The following TMEM117 variants were observed in gnomAD, a reference collection of about 807,000 sequenced individuals.
The protein encoded by TMEM117 is transmembrane protein 117.
TMEM117 carries 27 observed loss-of-function variants against 52.4 expected under a neutral mutation model. The ratio of observed to expected loss-of-function variants is 0.51; its 90% CI spans 0.38 to 0.71. The LOEUF (loss-of-function observed/expected upper bound fraction) is 0.71, where lower values mean the gene tolerates loss of function less well. Among genes scored for constraint, TMEM117 ranks in the 30% least tolerant of loss-of-function variants. The probability of loss-of-function intolerance (pLI) is 0.00; values close to 1 mark genes in which losing one functional copy is unlikely to be tolerated. For synonymous variants in TMEM117, 215 were observed against 206.3 expected (o/e 1.04, Z -0.36); for missense variants, 556 against 630.5 (o/e 0.88, Z 1.26).
intron 3 of TMEM117, among the ~76,000 whole-genome samples, chr12:43,970,079 G>A (rs1945556027): frequency 6.6e-6 from 1 of 151,970 alleles, no homozygotes; most frequent in African/African-American, 2.4e-5. Context: ...ATCCTGCCTG[G>A]GATGTGAATC....
rs200743759 is a variant in TMEM117 at position 43,911,615 on chromosome 12, T to C, written c.278-32595T>C. Among the ~76,000 whole-genome samples the C allele has an allele frequency of 1.3e-4, 20 of 149,872 alleles. No homozygotes were observed. The East Asian group carries it at 3.9e-3, about 29-fold the overall frequency. ...CTACTCATCTGACAAAGGGCTAATA[T>C]CCAGAATCTACAATGAACTCAAACA... On this transcript the variant is annotated intron_variant, in intron 2 of 7. Coordinates refer to ENST00000266534, the MANE Select transcript of TMEM117 (RefSeq NM_032256.3).
chr12:44,323,243 T>A (rs779185741), intron 6 of TMEM117, among the ~76,000 whole-genome samples: 2 of 152,204 alleles, frequency 1.3e-5, no homozygotes, highest in Non-Finnish European at 2.9e-5. Flanking sequence ...GTCCTCTAGA[T>A]CTTTAAAATA....
intron 6 of TMEM117, 120 bp downstream of exon 6, chr12:44,299,859 A>G (rs893067933): frequency 8.0e-7 from 1 of 1,251,960 alleles, no homozygotes. Flanking sequence ...GTTACTTTTG[A>G]TGGGGCCTTC....
At chr12:44,089,404 TG>T (rs1166023827) in intron 3 of TMEM117, among the ~76,000 whole-genome samples, 1 of 152,224 alleles carries the variant, frequency 6.6e-6, no homozygotes, top group Non-Finnish European at 1.5e-5. Context: ...AGCTCCCCTC[TG>T]TTGACTAGGA....
intron 6 of TMEM117, among the ~76,000 whole-genome samples, chr12:44,351,837 T>C (rs912758679): frequency 7.2e-5 from 11 of 152,026 alleles, no homozygotes; most frequent in African/African-American, 2.7e-4. Flanking sequence ...CAGAATATTT[T>C]TGACAACTCT....
chr12:44,194,938 A>T (rs573227544), intron 4 of TMEM117, among the ~76,000 whole-genome samples: 1 of 152,300 alleles, frequency 6.6e-6, no homozygotes, highest in South Asian at 2.1e-4. Context: ...AATTAATGTA[A>T]TTTTTCTGTT....
chr12:44,174,550 A>C (rs1430801339), intron 4 of TMEM117, among the ~76,000 whole-genome samples: 2 of 152,128 alleles, frequency 1.3e-5, no homozygotes, highest in African/African-American at 4.8e-5. Context: ...ACTTATCTTG[A>C]GTTTTCTTAG....
intron 3 of TMEM117, among the ~76,000 whole-genome samples, chr12:44,136,271 G>A (rs897688797): frequency 2.0e-5 from 3 of 152,110 alleles, no homozygotes; most frequent in African/African-American, 7.2e-5. Flanking sequence ...CTTTAGTGAA[G>A]ATAAATGAAG....
intron 2 of TMEM117, among the ~76,000 whole-genome samples, chr12:43,920,770 A>G (rs762839927): frequency 5.3e-5 from 8 of 152,046 alleles, no homozygotes; most frequent in Non-Finnish European, 1.0e-4. Context: ...TCCATCCTTT[A>G]AAATGTGGAT....
chr12:44,053,819 T>A (rs1592477021), intron 3 of TMEM117, among the ~76,000 whole-genome samples: 1 of 152,060 alleles, frequency 6.6e-6, no homozygotes, highest in South Asian at 2.1e-4. Flanking sequence ...AATTTGGGAG[T>A]GGTTGGTACC....
At chr12:43,796,418 C>G in the TMEM117 span, among the ~76,000 whole-genome samples, 5 of 152,008 alleles carry the variant, frequency 3.3e-5, no homozygotes, top group Non-Finnish European at 7.4e-5. Context: ...ATATCTTTCC[C>G]CATGCCTTAT....
intron 2 of TMEM117, among the ~76,000 whole-genome samples, chr12:43,906,482 G>A (rs1483043830): frequency 5.9e-5 from 9 of 151,468 alleles, no homozygotes; most frequent in African/African-American, 1.7e-4. Context: ...AAAAGAAAGC[G>A]GGGGAGGAGC....
At chr12:44,155,673 GA>G (rs1948816150) in intron 4 of TMEM117, among the ~76,000 whole-genome samples, 2 of 152,088 alleles carry the variant, frequency 1.3e-5, no homozygotes, top group African/African-American at 4.8e-5. Context: ...GGTCTGTGAG[GA>G]GTTGAGGGCA....
At chr12:44,241,748 G>C (rs1056325504) in intron 5 of TMEM117, among the ~76,000 whole-genome samples, 1 of 151,864 alleles carries the variant, frequency 6.6e-6, no homozygotes, top group African/African-American at 2.4e-5. Context: ...ACAACAATTT[G>C]TTGAATGATT....
intron 5 of TMEM117, among the ~76,000 whole-genome samples, chr12:44,246,028 A>T (rs1427235863): frequency 2.6e-5 from 4 of 152,146 alleles, no homozygotes; most frequent in Non-Finnish European, 1.5e-5. Context: ...AAGAATTTTA[A>T]TTTGATCAGC....
chr12:44,001,583 A>G (rs1249533031), intron 3 of TMEM117, among the ~76,000 whole-genome samples: 2 of 152,108 alleles, frequency 1.3e-5, no homozygotes, highest in African/African-American at 4.8e-5. Context: ...TGTGATGCCA[A>G]AGAAAGGATT....
intron 7 of TMEM117, among the ~76,000 whole-genome samples, chr12:44,381,062 G>T: frequency 6.6e-6 from 1 of 152,132 alleles, no homozygotes; most frequent in East Asian, 1.9e-4. Context: ...TTGAATTGTT[G>T]CATCTGTTTA....
chr12:44,044,645 T>A (rs1183952183), intron 3 of TMEM117, among the ~76,000 whole-genome samples: 1 of 152,150 alleles, frequency 6.6e-6, no homozygotes, highest in African/African-American at 2.4e-5. Flanking sequence ...GAGTTCTCTA[T>A]GATCAGTTGA....
At chr12:44,092,692 G>T (rs1947694815) in intron 3 of TMEM117, among the ~76,000 whole-genome samples, 1 of 152,094 alleles carries the variant, frequency 6.6e-6, no homozygotes, top group Admixed American at 6.6e-5. Context: ...TCTACCCAGA[G>T]AACTCAAGTG....
Sources: gnomAD v4.1 joint callset for allele counts (sites outside exome capture counted in the v4.1 genomes callset) on GRCh38, gnomAD v4.1.1 for gene constraint, MANE v1.5 for transcripts, NCBI Gene and HGNC (gene_info 2026-07-23, HGNC 2026-07-21) for gene names.